The following GUCY1A2 variants were observed in gnomAD, a reference collection of about 807,000 sequenced individuals.
GUCY1A2 encodes the protein guanylate cyclase 1 soluble subunit alpha 2.
Under a neutral mutation model 63.5 loss-of-function variants are expected in GUCY1A2, and 27 were observed. The observed-to-expected ratio is 0.43, with a 90% CI of 0.31 to 0.59. GUCY1A2 has a LOEUF of 0.59. Among genes scored for constraint, GUCY1A2 ranks in the 20% least tolerant of loss-of-function variants. The pLI is 0.11. For missense variants in GUCY1A2, 768 were observed against 913.3 expected, an observed-to-expected ratio of 0.84 and a Z score of 2.05; for synonymous variants, 364 against 343.5, an observed-to-expected ratio of 1.06 and a Z score of -0.66.
intron 7 of GUCY1A2, among the ~76,000 whole-genome samples, chr11:106,697,954 C>G (rs767422718): frequency 2.9e-4 from 44 of 152,038 alleles, no homozygotes; most frequent in Middle Eastern, 3.4e-3. Context: ...CATTTCACCT[C>G]TAGGTGTTCC....
rs191152177 is a variant in GUCY1A2, at chr11:106,824,992, T to C, written c.1207-14514A>G. 48 of 1,609,384 alleles carry C rather than the reference T, an allele frequency of 3.0e-5. No individual in the cohort carries two copies. The Admixed American group carries it at 4.4e-4, about 15-fold the overall frequency. ...TACTAAATTTTCTAATTAAAGATGG[T>C]TTATGCATGTATATGCCACTATTTT... On this transcript the variant is annotated intron_variant, in intron 4 of 7. Transcript: ENST00000526355.
chr11:106,735,971 T>G (rs981224741), intron 6 of GUCY1A2, among the ~76,000 whole-genome samples: 1 of 151,944 alleles, frequency 6.6e-6, no homozygotes, highest in African/African-American at 2.4e-5. Context: ...CATTTTTTAA[T>G]CAAATTATTA....
intron 6 of GUCY1A2, among the ~76,000 whole-genome samples, chr11:106,757,829 T>C (rs1017882793): frequency 6.6e-6 from 1 of 152,016 alleles, no homozygotes; most frequent in African/African-American, 2.4e-5. Flanking sequence ...TACATGGGGG[T>C]CATGGACCCA....
intron 6 of GUCY1A2, among the ~76,000 whole-genome samples, chr11:106,744,244 CTT>C (rs5794491): frequency 7.3e-4 from 82 of 112,636 alleles, no homozygotes; most frequent in Middle Eastern, 4.9e-3. Context: ...AACATAAATG[CTT>C]TTTTTTTTTT....
chr11:106,704,863 C>T (rs959910499), intron 7 of GUCY1A2, among the ~76,000 whole-genome samples: 1 of 149,976 alleles, frequency 6.7e-6, no homozygotes, highest in Non-Finnish European at 1.5e-5. Context: ...ATATTATATG[C>T]AGTAAAGTAA....
intron 6 of GUCY1A2, among the ~76,000 whole-genome samples, chr11:106,757,140 G>A (rs562189286): frequency 4.7e-4 from 71 of 151,692 alleles, no homozygotes; most frequent in African/African-American, 1.5e-3. Flanking sequence ...TGATAGATTT[G>A]GCTATTGAAG....
At position 106,687,013 on chromosome 11, in the gene GUCY1A2, G is replaced by A. The variant is rs1565257752; in HGVS notation, c.*536C>T. Reference sequence around the variant, plus strand: ...AAATGTAGTTATCTAGAAGAGATATGTATAAAAATAGGTAATATCCCTAAA... The same window carrying A: ...AAATGTAGTTATCTAGAAGAGATATATATAAAAATAGGTAATATCCCTAAA... On this transcript the variant is annotated 3_prime_UTR_variant, in exon 8 of 8. Coordinates refer to ENST00000526355, the MANE Select transcript of GUCY1A2 (RefSeq NM_000855.3). 2 of 211,002 alleles carry A rather than the reference G, an allele frequency of 9.5e-6. No homozygotes were observed. Among genetic ancestry groups the A allele is most frequent in the African/African-American group, 2.3e-5 (1 of 44,084 alleles). 13.1% of individuals were successfully genotyped at this position (211,002 alleles called of 1,614,324 possible).
At chr11:107,001,876 G>A (rs780373990) in intron 1 of GUCY1A2, among the ~76,000 whole-genome samples, 11 of 152,026 alleles carry the variant, frequency 7.2e-5, no homozygotes, top group Non-Finnish European at 1.0e-4. Context: ...AAAATTAGCC[G>A]GGCATGGTGG....
At chr11:106,818,514 T>C (rs1591289320) in intron 4 of GUCY1A2, among the ~76,000 whole-genome samples, 2 of 152,210 alleles carry the variant, frequency 1.3e-5, no homozygotes. Flanking sequence ...CCCTATCACA[T>C]GAGAACAACA....
intron 6 of GUCY1A2, among the ~76,000 whole-genome samples, chr11:106,727,213 G>T (rs1002668981): frequency 6.6e-6 from 1 of 152,216 alleles, no homozygotes; most frequent in Non-Finnish European, 1.5e-5. Flanking sequence ...AGCAGGGCCT[G>T]TGTAAGGTCT....
chr11:106,871,150 T>G (rs1318038536), intron 4 of GUCY1A2, among the ~76,000 whole-genome samples: 1 of 152,164 alleles, frequency 6.6e-6, no homozygotes, highest in Non-Finnish European at 1.5e-5. Context: ...AGAGGAACAT[T>G]AAAATATCCT....
At chr11:106,909,904 C>T (rs754426583) in intron 4 of GUCY1A2, among the ~76,000 whole-genome samples, 20 of 151,860 alleles carry the variant, frequency 1.3e-4, no homozygotes, top group Non-Finnish European at 2.4e-4. Context: ...GGTAATTGCC[C>T]ACAACTTTGT....
intron 7 of GUCY1A2, among the ~76,000 whole-genome samples, chr11:106,703,179 T>G (rs1862847257): frequency 6.6e-6 from 1 of 152,180 alleles, no homozygotes. Flanking sequence ...GGACTTGGAC[T>G]GTCTCCTTGC....
At chr11:106,687,945 A>C (rs1003746912) in intron 7 of GUCY1A2, among the ~76,000 whole-genome samples, 189 bp from the exon 8 acceptor site, 3 of 152,146 alleles carry the variant, frequency 2.0e-5, no homozygotes, top group African/African-American at 7.2e-5. Context: ...AGATCCCTTC[A>C]TGTGATAATA....
At chr11:106,746,582 T>A (rs1350938684) in intron 6 of GUCY1A2, 1 of 1,596,596 alleles carries the variant, frequency 6.3e-7, no homozygotes, top group East Asian at 2.2e-5. Context: ...TTCACTTTGA[T>A]GCTGATCTGG....
At chr11:106,715,171 T>G (rs1003836246) in intron 6 of GUCY1A2, among the ~76,000 whole-genome samples, 5 of 152,170 alleles carry the variant, frequency 3.3e-5, no homozygotes, top group Non-Finnish European at 7.4e-5. Context: ...ATATTCTGCT[T>G]CTTTATTACC....
At chr11:106,951,911 G>T (rs557473792) in intron 3 of GUCY1A2, among the ~76,000 whole-genome samples, 1 of 152,176 alleles carries the variant, frequency 6.6e-6, no homozygotes, top group Non-Finnish European at 1.5e-5. Flanking sequence ...GTTAATTTTT[G>T]TATAAGGTGT....
chr11:106,717,558 A>G (rs1863237171), intron 6 of GUCY1A2, among the ~76,000 whole-genome samples: 3 of 152,212 alleles, frequency 2.0e-5, no homozygotes, highest in Admixed American at 1.3e-4. Context: ...TCCAAATTCA[A>G]ATAGGTCTAT....
intron 6 of GUCY1A2, among the ~76,000 whole-genome samples, chr11:106,711,745 G>T (rs7933195): frequency 0.63 from 96,108 of 151,882 alleles, 31,600 homozygotes; most frequent in African/African-American, 0.81. Context: ...ATAAATTCCC[G>T]CTGCTTTTTT....
Sources: allele counts gnomAD v4.1 joint callset (sites outside exome capture counted in the v4.1 genomes callset), GRCh38; gene constraint gnomAD v4.1.1; transcripts MANE v1.5; gene names NCBI Gene and HGNC (gene_info 2026-07-23, HGNC 2026-07-21).